The following NLN variants were observed in gnomAD, a reference collection of about 807,000 sequenced individuals.
The protein encoded by NLN is neurolysin, also known as neurolysin, mitochondrial.
Under a neutral mutation model 79.9 loss-of-function variants are expected in NLN, and 64 were observed. The observed-to-expected ratio is 0.80, with a 90% CI of 0.65 to 0.99. The LOEUF (loss-of-function observed/expected upper bound fraction) is 0.99, where lower values mean the gene tolerates loss of function less well. Among genes scored for constraint, NLN ranks in the 50% least tolerant of loss-of-function variants. The pLI, the probability that NLN is intolerant of heterozygous loss-of-function variation, is 0.00. For missense variants in NLN, 835 were observed against 858.7 expected (o/e 0.97, Z 0.34); for synonymous variants, 267 against 296.6 (o/e 0.90, Z 1.02).
intron 1 of NLN, among the ~76,000 whole-genome samples, chr5:65,736,638 ATATT>A (rs1758733546): frequency 7.0e-6 from 1 of 142,212 alleles, no homozygotes; most frequent in Admixed American, 6.9e-5. Flanking sequence ...GCTTTTATAT[ATATT>A]TGCTGTGTTA....
rs1334515023 is a variant in NLN, at chr5:65,792,392, T to C, written c.1326-62T>C. 1.1e-5 allele frequency: 11 copies of C among 992,244 alleles called. No individual in the cohort carries two copies. The Admixed American group carries it at 1.5e-4, about 13-fold the overall frequency. 61.5% of individuals were successfully genotyped at this position (992,244 alleles called of 1,614,324 possible). A position where few individuals can be genotyped will look rare whatever the true frequency, so the allele number is the denominator to read the frequency against. On this transcript the variant is annotated intron_variant, in intron 8 of 12. Coordinates refer to ENST00000380985, the MANE Select transcript of NLN (RefSeq NM_020726.5). Reference sequence around the variant, plus strand: ...ATGGCTTAATGACTGGAAGAGGCCATGCCAGTGTAGTTGCTAGAGGAGAAT... The same window carrying C: ...ATGGCTTAATGACTGGAAGAGGCCACGCCAGTGTAGTTGCTAGAGGAGAAT...
chr5:65,773,655 A>G (rs752816146), intron 3 of NLN, among the ~76,000 whole-genome samples: 2 of 152,088 alleles, frequency 1.3e-5, no homozygotes, highest in Admixed American at 6.5e-5. Context: ...AAGAAACTCA[A>G]TATTTGGCCA....
chr5:65,762,516 C>T (rs1759359785), intron 2 of NLN, among the ~76,000 whole-genome samples: 1 of 151,974 alleles, frequency 6.6e-6, no homozygotes, highest in South Asian at 2.1e-4. Flanking sequence ...AAAACTGCAG[C>T]TCTACAAAAA....
intron 9 of NLN, among the ~76,000 whole-genome samples, chr5:65,806,654 G>C (rs1455948049): frequency 1.3e-5 from 2 of 152,168 alleles, no homozygotes; most frequent in African/African-American, 4.8e-5. Flanking sequence ...ATCTACTCCT[G>C]GTGAAGATGC....
At chr5:65,810,570 T>TC (rs1479602205) in intron 11 of NLN, among the ~76,000 whole-genome samples, 13 of 152,188 alleles carry the variant, frequency 8.5e-5, no homozygotes, top group African/African-American at 2.9e-4. Flanking sequence ...ATTTTTTCCA[T>TC]CCCCTCAAGC....
chr5:65,787,858 C>A (rs1051590162), intron 7 of NLN, among the ~76,000 whole-genome samples: 1 of 152,182 alleles, frequency 6.6e-6, no homozygotes, highest in Non-Finnish European at 1.5e-5. Context: ...AATTGAGGAA[C>A]TCATGGCCCA....
chr5:65,724,427 T>C (rs114714921), intron 1 of NLN, among the ~76,000 whole-genome samples: 2,841 of 152,342 alleles, frequency 0.019, 54 homozygotes, highest in South Asian at 0.043. Context: ...CGGGATTTCC[T>C]TTTTAAAACT....
chr5:65,751,456 G>A (rs1759099827), intron 1 of NLN, among the ~76,000 whole-genome samples: 1 of 152,160 alleles, frequency 6.6e-6, no homozygotes, highest in Admixed American at 6.5e-5. Context: ...AGTGCATTGG[G>A]GTGGGGGTTT....
At chr5:65,768,241 T>C (rs143062417) in intron 3 of NLN, among the ~76,000 whole-genome samples, 9 of 152,242 alleles carry the variant, frequency 5.9e-5, no homozygotes, top group African/African-American at 2.2e-4. Context: ...AGGTAATTTA[T>C]AAAGAAAGAG....
At chr5:65,775,191 G>A (rs1385119516) in intron 3 of NLN, among the ~76,000 whole-genome samples, 1 of 152,198 alleles carries the variant, frequency 6.6e-6, no homozygotes, top group Non-Finnish European at 1.5e-5. Context: ...TTCTGAAAGA[G>A]CAGCCCTGCT....
intron 3 of NLN, among the ~76,000 whole-genome samples, chr5:65,772,743 T>C (rs1408061131): frequency 2.0e-5 from 3 of 151,798 alleles, no homozygotes; most frequent in African/African-American, 7.3e-5. Context: ...CATTTTTTTT[T>C]TTTTAGAAAC....
intron 12 of NLN, among the ~76,000 whole-genome samples, chr5:65,815,608 C>T (rs1760652792): frequency 6.6e-6 from 1 of 152,174 alleles, no homozygotes; most frequent in South Asian, 2.1e-4. Context: ...ACTTCCTGAT[C>T]CTCTGCTGTC....
intron 7 of NLN, among the ~76,000 whole-genome samples, chr5:65,786,620 G>T (rs1759929006): frequency 1.3e-5 from 2 of 151,972 alleles, no homozygotes; most frequent in Non-Finnish European, 2.9e-5. Context: ...ACTTCGGGAG[G>T]CCGAGGTGAG....
chr5:65,809,486 T>TA, intron 9 of NLN, 29 bp from the exon 10 acceptor site: 3 of 1,556,534 alleles, frequency 1.9e-6, no homozygotes, highest in South Asian at 1.2e-5. Context: ...TTGAGTTCTT[T>TA]AAAAAAATTC....
intron 12 of NLN, among the ~76,000 whole-genome samples, chr5:65,817,988 A>G (rs977202766): frequency 1.3e-5 from 2 of 152,210 alleles, no homozygotes; most frequent in Admixed American, 6.5e-5. Flanking sequence ...TGTACCACCC[A>G]ACAGCTGATT....
At chr5:65,767,464 C>G (rs906429576) in intron 3 of NLN, among the ~76,000 whole-genome samples, 4 of 152,144 alleles carry the variant, frequency 2.6e-5, no homozygotes, top group Non-Finnish European at 5.9e-5. Flanking sequence ...CTGCAGAGAG[C>G]AGGGGAAGGA....
intron 12 of NLN, among the ~76,000 whole-genome samples, chr5:65,822,156 A>C (rs1240571614): frequency 6.6e-6 from 1 of 152,230 alleles, no homozygotes; most frequent in Non-Finnish European, 1.5e-5. Context: ...GTGTAAATAA[A>C]AGTAGAGGAA....
At chr5:65,822,003 T>G (rs1437565701) in intron 12 of NLN, among the ~76,000 whole-genome samples, 10 of 152,256 alleles carry the variant, frequency 6.6e-5, no homozygotes, top group Non-Finnish European at 1.2e-4. Context: ...TGTGAATTGT[T>G]TATTATCTGT....
In NLN at chr5:65,809,809, G is replaced by A. The variant is rs553998979; in HGVS notation, c.1714+108G>A. 1.1e-3 allele frequency: 1,122 copies of A among 1,016,118 alleles called. 2 individuals are homozygous for A. The highest frequency in any genetic ancestry group is 1.5e-3 in the Non-Finnish European group (1,050 of 705,980). 62.9% of individuals were successfully genotyped at this position (1,016,118 alleles called of 1,614,324 possible). On this transcript the variant is annotated intron_variant, in intron 10 of 12. Coordinates refer to ENST00000380985, the MANE Select transcript of NLN (RefSeq NM_020726.5). ...TTTCATTTTAAGTGGTATCCCAACC[G>A]TGCTAGCATGAGGAGTGAAGAACAT...
Sources: allele counts gnomAD v4.1 joint callset (sites outside exome capture counted in the v4.1 genomes callset), GRCh38; gene constraint gnomAD v4.1.1; transcripts MANE v1.5; gene names NCBI Gene and HGNC (gene_info 2026-07-23, HGNC 2026-07-21).